ZNF385D: variants seen among roughly 807,000 people sequenced by gnomAD.
ZNF385D encodes the protein zinc finger protein 385D, also known as zinc finger protein 659.
Under a neutral mutation model 35.8 loss-of-function variants are expected in ZNF385D, and 15 were observed. The observed-to-expected ratio is 0.42, with a 90% CI of 0.28 to 0.64. The LOEUF (loss-of-function observed/expected upper bound fraction) is 0.64, where lower values mean the gene tolerates loss of function less well. Ranked by LOEUF, ZNF385D falls within the 30% of genes least tolerant of loss-of-function variation. The pLI, the probability that ZNF385D is intolerant of heterozygous loss-of-function variation, is 0.23. For synonymous variants in ZNF385D, 212 were observed against 186.8 expected, an observed-to-expected ratio of 1.13 and a Z score of -1.10; for missense variants, 474 against 494.6, an observed-to-expected ratio of 0.96 and a Z score of 0.39.
At chr3:22,177,892 T>C (rs1694944469) in intron 2 of ZNF385D, among the ~76,000 whole-genome samples, 1 of 152,194 alleles carries the variant, frequency 6.6e-6, no homozygotes, top group African/African-American at 2.4e-5. Flanking sequence ...CTTCATCCAA[T>C]GTCCCTACAA....
chr3:21,549,118 G>A (rs2062482593), intron 3 of ZNF385D, among the ~76,000 whole-genome samples: 1 of 152,162 alleles, frequency 6.6e-6, no homozygotes, highest in South Asian at 2.1e-4. Context: ...CCATGTCTAA[G>A]AGAAGTTGAT....
chr3:22,127,261 G>C (rs544518471), intron 3 of ZNF385D, among the ~76,000 whole-genome samples: 2 of 138,230 alleles, frequency 1.4e-5, no homozygotes, highest in Non-Finnish European at 1.6e-5. Context: ...CCTTCCTTCT[G>C]TCCTATATTC....
At chr3:21,748,635 G>T (rs2069900497) in intron 1 of ZNF385D, among the ~76,000 whole-genome samples, 1 of 152,160 alleles carries the variant, frequency 6.6e-6, no homozygotes, top group South Asian at 2.1e-4. Flanking sequence ...CTTTGTCCCT[G>T]TTCTCCCTGA....
intron 2 of ZNF385D, among the ~76,000 whole-genome samples, chr3:22,287,834 ACTTTT>A (rs889322290): frequency 2.6e-5 from 4 of 151,958 alleles, no homozygotes; most frequent in African/African-American, 9.7e-5. Context: ...AAATTTATTT[ACTTTT>A]ATTTTGTGAG....
intron 2 of ZNF385D, among the ~76,000 whole-genome samples, chr3:22,209,008 AAATATT>A (rs370050124): frequency 1.3e-5 from 2 of 151,876 alleles, no homozygotes; most frequent in Admixed American, 6.6e-5. Flanking sequence ...ATGAGACTAT[AAATATT>A]AAGTGTCTCA....
intron 2 of ZNF385D, among the ~76,000 whole-genome samples, chr3:22,212,080 T>A (rs1191072159): frequency 6.6e-6 from 1 of 151,972 alleles, no homozygotes; most frequent in Non-Finnish European, 1.5e-5. Context: ...GCAGCACCAG[T>A]ATGTTTAGCT....
intron 3 of ZNF385D, among the ~76,000 whole-genome samples, chr3:21,845,145 T>C (rs1277910069): frequency 2.0e-5 from 3 of 152,008 alleles, no homozygotes; most frequent in Non-Finnish European, 4.4e-5. Context: ...TCATTTATTC[T>C]CTAGTCTACT....
At chr3:21,768,842 A>AT (rs890740055) in intron 3 of ZNF385D, among the ~76,000 whole-genome samples, 4 of 151,810 alleles carry the variant, frequency 2.6e-5, no homozygotes, top group South Asian at 4.2e-4. Flanking sequence ...ATCAGCAACC[A>AT]TTTTTTCCCT....
chr3:21,578,068 G>A (rs1420038913), intron 2 of ZNF385D, among the ~76,000 whole-genome samples: 3 of 151,842 alleles, frequency 2.0e-5, no homozygotes, highest in Admixed American at 6.6e-5. Context: ...TCCTGGTCCC[G>A]GCTTCCCAAA....
intron 2 of ZNF385D, among the ~76,000 whole-genome samples, chr3:22,292,172 T>C (rs1430635288): frequency 6.6e-6 from 1 of 152,048 alleles, no homozygotes; most frequent in Admixed American, 6.6e-5. Flanking sequence ...TCAAACTTCA[T>C]TACTTCGTGG....
At chr3:21,742,444 A>T (rs2069561763) in intron 1 of ZNF385D, among the ~76,000 whole-genome samples, 2 of 152,208 alleles carry the variant, frequency 1.3e-5, no homozygotes, top group Admixed American at 1.3e-4. Flanking sequence ...ATCTCTCTGC[A>T]GGTCTTTGGC....
intron 3 of ZNF385D, among the ~76,000 whole-genome samples, chr3:22,059,847 G>A (rs114931598): frequency 0.016 from 2,413 of 152,200 alleles, 71 homozygotes; most frequent in African/African-American, 0.056. Flanking sequence ...TGACTGTGTG[G>A]GTGTTTCTGG....
intron 3 of ZNF385D, among the ~76,000 whole-genome samples, chr3:21,764,283 A>G (rs2070739682): frequency 6.6e-6 from 1 of 152,142 alleles, no homozygotes; most frequent in Non-Finnish European, 1.5e-5. Context: ...GTGGTATAGT[A>G]TTAGTTAGGA....
At chr3:21,744,127 C>A (rs1308447349) in intron 1 of ZNF385D, among the ~76,000 whole-genome samples, 2 of 152,216 alleles carry the variant, frequency 1.3e-5, no homozygotes, top group East Asian at 3.9e-4. Flanking sequence ...AGCTTTGTGA[C>A]CTTGAGAAAG....
chr3:22,144,524 G>C (rs888345271), intron 3 of ZNF385D, among the ~76,000 whole-genome samples: 2 of 116,770 alleles, frequency 1.7e-5, no homozygotes, highest in South Asian at 2.9e-4. Flanking sequence ...AATGAGCCAA[G>C]ATCATGCCAC....
chr3:21,465,894 A>G lies in ZNF385D; in HGVS notation c.440-28691T>C, dbSNP rs1420342356. Among the ~76,000 whole-genome samples the G allele has an allele frequency of 6.6e-6, 1 of 152,168 alleles. No individual in the cohort carries two copies. The highest frequency in any genetic ancestry group is 1.5e-5 in the Non-Finnish European group (1 of 68,040). ...CATTCTCCATCACACCTCAGGATAC[A>G]GGAGCTGCCGTGAGCACAAATAGAG... On this transcript the variant is annotated intron_variant, in intron 4 of 7. Coordinates refer to ENST00000281523, the MANE Select transcript of ZNF385D (RefSeq NM_024697.3). The surrounding 1 kb of genome is among the most constrained non-coding windows in gnomAD (Gnocchi z 4.2).
chr3:22,073,410 C>T (rs998776884), intron 3 of ZNF385D, among the ~76,000 whole-genome samples: 5 of 151,092 alleles, frequency 3.3e-5, no homozygotes, highest in African/African-American at 1.2e-4. Context: ...CATCATTTCT[C>T]CATATTTATT....
intron 3 of ZNF385D, among the ~76,000 whole-genome samples, chr3:21,820,955 G>GA: frequency 6.6e-6 from 1 of 151,294 alleles, no homozygotes; most frequent in East Asian, 1.9e-4. Context: ...AAAAATTCTA[G>GA]AAAAATATTA....
At chr3:22,314,608 G>C (rs906607886) in intron 2 of ZNF385D, among the ~76,000 whole-genome samples, 1 of 152,026 alleles carries the variant, frequency 6.6e-6, no homozygotes, top group African/African-American at 2.4e-5. Context: ...ACGTAGGGTT[G>C]AGCAGCAGGG....
Sources: allele counts gnomAD v4.1 joint callset (sites outside exome capture counted in the v4.1 genomes callset), GRCh38; gene constraint gnomAD v4.1.1; non-coding constraint Gnocchi (gnomAD v3.1); transcripts MANE v1.5; gene names NCBI Gene and HGNC (gene_info 2026-07-23, HGNC 2026-07-21).